PAQR5: variants seen among roughly 807,000 people sequenced by gnomAD.
PAQR5 encodes progestin and adipoQ receptor family member 5.
In PAQR5, 20 loss-of-function variants were observed where a neutral mutation model predicts 34.5. That is an observed-to-expected ratio of 0.58 (90% CI 0.41 to 0.84). The LOEUF is 0.84. Among genes scored for constraint, PAQR5 ranks in the 40% least tolerant of loss-of-function variants. The pLI, the probability that PAQR5 is intolerant of heterozygous loss-of-function variation, is 0.00. For missense variants in PAQR5, 378 were observed against 412.7 expected (o/e 0.92, Z 0.73); for synonymous variants, 131 against 155.6 (o/e 0.84, Z 1.18).
rs1419203929 is a variant in PAQR5 at position 69,333,132 on chromosome 15, T to A, written c.-276-4209T>A. On this transcript the variant is annotated intron_variant, in intron 1 of 8. Transcript: ENST00000395407. ...AGTTGACTGAATTATTTTTTTCCAT[T>A]TTTTTTTATCTTGCCAATCTTAATA... 2.0e-5 allele frequency among the ~76,000 whole-genome samples: 3 copies of A among 151,976 alleles called. No homozygotes were observed. In the South Asian group the frequency reaches 6.2e-4, roughly 32 times the overall value.
At chr15:69,315,515 T>G (rs1182651920) in intron 1 of PAQR5, among the ~76,000 whole-genome samples, 3 of 152,126 alleles carry the variant, frequency 2.0e-5, no homozygotes, top group African/African-American at 7.2e-5. Context: ...TGACTCACAC[T>G]GCAGAGGTGA....
chr15:69,385,322 T>C lies in PAQR5; in HGVS notation c.385+440T>C, dbSNP rs867486549. Reference sequence around the variant, plus strand: ...CAAGTTTCTGTGATTTAATTTTTAATGATGGCTGTGTTCAGCACTCAGCTC... The same window carrying C: ...CAAGTTTCTGTGATTTAATTTTTAACGATGGCTGTGTTCAGCACTCAGCTC... On this transcript the variant is annotated intron_variant, in intron 5 of 8. Coordinates refer to ENST00000395407, the MANE Select transcript of PAQR5 (RefSeq NM_017705.4). This position sits in a 1 kb window ranked among gnomAD's most constrained non-coding sequence, Gnocchi z 4.7. 6.6e-6 allele frequency among the ~76,000 whole-genome samples: 1 copy of C among 152,338 alleles called. No homozygotes were observed. The highest frequency in any genetic ancestry group is 2.4e-5 in the African/African-American group (1 of 41,560).
At chr15:69,379,459 G>A (rs2055817909) in intron 3 of PAQR5, 1 of 985,446 alleles carries the variant, frequency 1.0e-6, no homozygotes, top group African/African-American at 1.7e-5. Context: ...CTTCTGCAGA[G>A]TTCTTCCCAC....
At chr15:69,397,647 C>A (rs2056486722) in intron 7 of PAQR5, 83 bp downstream of exon 7, 2 of 924,866 alleles carry the variant, frequency 2.2e-6, no homozygotes, top group African/African-American at 1.6e-5. Context: ...GGGGTCACAG[C>A]ACTGCAATGG....
intron 1 of PAQR5, among the ~76,000 whole-genome samples, chr15:69,335,069 A>G (rs2054479972): frequency 6.6e-6 from 1 of 151,964 alleles, no homozygotes; most frequent in Non-Finnish European, 1.5e-5. Flanking sequence ...CTGAAAAAAT[A>G]CAAAAATTAG....
At chr15:69,397,439 T>C in intron 6 of PAQR5, 29 bp from the exon 7 acceptor site, 1 of 1,473,630 alleles carries the variant, frequency 6.8e-7, no homozygotes, top group East Asian at 2.3e-5. Flanking sequence ...TTCATTCCAT[T>C]TCCTCCCCAC....
intron 3 of PAQR5, among the ~76,000 whole-genome samples, chr15:69,372,095 C>CA (rs1405795352): frequency 1.3e-5 from 2 of 152,162 alleles, no homozygotes; most frequent in Non-Finnish European, 2.9e-5. Flanking sequence ...TGAACTATTC[C>CA]ATAGAAAATC....
At chr15:69,395,980 G>A (rs781741988) in intron 6 of PAQR5, among the ~76,000 whole-genome samples, 5 of 151,896 alleles carry the variant, frequency 3.3e-5, no homozygotes, top group Non-Finnish European at 5.9e-5. Flanking sequence ...AGGAATCTCC[G>A]GGTGGGCCAT....
At position 69,407,658 on chromosome 15, in the gene PAQR5, C is replaced by T. The variant is rs552989205; in HGVS notation, c.*3836C>T. On this transcript the variant is annotated 3_prime_UTR_variant, in exon 9 of 9. Transcript: ENST00000395407. Reference sequence around the variant, plus strand: ...ATTATCATAAAGTCATCCTGTTTGCCACTTAATTTGGTTATGTTTTATCTA... The same window carrying T: ...ATTATCATAAAGTCATCCTGTTTGCTACTTAATTTGGTTATGTTTTATCTA... 5.3e-5 allele frequency: 8 copies of T among 152,214 alleles called. No homozygotes were observed. In the South Asian group the frequency reaches 6.2e-4, roughly 12 times the overall value. 9.4% of individuals were successfully genotyped at this position (152,214 alleles called of 1,614,324 possible). A position where few individuals can be genotyped will look rare whatever the true frequency, so the allele number is the denominator to read the frequency against.
chr15:69,316,338 C>T (rs555612563), intron 1 of PAQR5, among the ~76,000 whole-genome samples: 1 of 152,276 alleles, frequency 6.6e-6, no homozygotes, highest in African/African-American at 2.4e-5. Context: ...GCCTTGGCCT[C>T]CCAAGGTTCT....
chr15:69,362,893 T>C lies in PAQR5; in HGVS notation c.51+2762T>C, dbSNP rs2055277851. Among the ~76,000 whole-genome samples, 4 of 152,148 alleles carry C rather than the reference T, an allele frequency of 2.6e-5. No individual in the cohort carries two copies. The South Asian group carries it at 8.3e-4, about 32-fold the overall frequency. ...TCCCCACCTCTTCCACCACGTCCCA[T>C]CCACAGACCCTCTTCTCTTTATTCT... On this transcript the variant is annotated intron_variant, in intron 3 of 8. Transcript: ENST00000395407.
At chr15:69,356,800 G>A (rs2055090236) in intron 2 of PAQR5, among the ~76,000 whole-genome samples, 1 of 152,178 alleles carries the variant, frequency 6.6e-6, no homozygotes, top group Non-Finnish European at 1.5e-5. Context: ...TGTCCTGGTT[G>A]TAGCATATAT....
At chr15:69,339,442 T>G (rs1030166844) in intron 2 of PAQR5, among the ~76,000 whole-genome samples, 4 of 151,976 alleles carry the variant, frequency 2.6e-5, no homozygotes, top group Non-Finnish European at 5.9e-5. Context: ...CAACAATCTT[T>G]TTGTTGTTGT....
intron 2 of PAQR5, among the ~76,000 whole-genome samples, chr15:69,356,115 T>C (rs911719899): frequency 1.3e-5 from 2 of 152,232 alleles, no homozygotes; most frequent in Non-Finnish European, 2.9e-5. Flanking sequence ...GTCTTTCTTT[T>C]TCTTCCCATG....
rs1187490109 is a variant in PAQR5 at position 69,407,086 on chromosome 15, C to G, written c.*3264C>G. On this transcript the variant is annotated 3_prime_UTR_variant, in exon 9 of 9. Transcript: ENST00000395407. ...GCATTGTCAGATATGTTCAAGAAACCCTTCATTTGACACTATTTTGTACCT... is the reference window on the plus strand; with the variant it reads ...GCATTGTCAGATATGTTCAAGAAACGCTTCATTTGACACTATTTTGTACCT... 6.6e-6 allele frequency: 1 copy of G among 152,048 alleles called. No homozygotes were observed. The highest frequency in any genetic ancestry group is 1.9e-4 in the East Asian group (1 of 5,190). 9.4% of individuals were successfully genotyped at this position (152,048 alleles called of 1,614,324 possible). A position where few individuals can be genotyped will look rare whatever the true frequency, so the allele number is the denominator to read the frequency against.
chr15:69,326,624 A>G (rs1405047069), intron 1 of PAQR5, among the ~76,000 whole-genome samples: 1 of 152,154 alleles, frequency 6.6e-6, no homozygotes, highest in East Asian at 1.9e-4. Flanking sequence ...TTTAGTAGAG[A>G]CGGGGTTTTG....
chr15:69,367,983 G>A (rs2055447620), intron 3 of PAQR5, among the ~76,000 whole-genome samples: 1 of 152,150 alleles, frequency 6.6e-6, no homozygotes, highest in African/African-American at 2.4e-5. Context: ...CCCATGGCAT[G>A]ATGAGTGGCT....
In PAQR5 at chr15:69,316,707, A is replaced by G. The variant is rs140418756; in HGVS notation, c.-277+17651A>G. On this transcript the variant is annotated intron_variant, in intron 1 of 8. Transcript: ENST00000395407. ...TCAAGGGCTTACACATGGGGCTTAC[A>G]CTTACTAATGCTTGAAACACCCCAA... 1.9e-3 allele frequency among the ~76,000 whole-genome samples: 297 copies of G among 152,356 alleles called. 2 individuals carry two copies. Among genetic ancestry groups the G allele is most frequent in the African/African-American group, 6.6e-3 (275 of 41,582 alleles).
At chr15:69,306,367 A>C (rs1204610621) in intron 1 of PAQR5, among the ~76,000 whole-genome samples, 1 of 149,310 alleles carries the variant, frequency 6.7e-6, no homozygotes, top group Non-Finnish European at 1.5e-5. Context: ...TTAACCTTTA[A>C]CCTTTACCAT....
Sources: allele counts gnomAD v4.1 joint callset (sites outside exome capture counted in the v4.1 genomes callset), GRCh38; gene constraint gnomAD v4.1.1; non-coding constraint Gnocchi (gnomAD v3.1); transcripts MANE v1.5; gene names NCBI Gene and HGNC (gene_info 2026-07-23, HGNC 2026-07-21).